PKD1: variants seen among roughly 807,000 people sequenced by gnomAD.
PKD1 encodes the protein polycystin 1, transient receptor potential channel interacting, also known as polycystin-1.
Under a neutral mutation model 361.7 loss-of-function variants are expected in PKD1, and 81 were observed. The observed-to-expected ratio is 0.22, with a 90% CI of 0.19 to 0.27. The LOEUF is 0.27. PKD1 is among the 10% of genes least tolerant of loss of function. The pLI is 1.00. For missense variants in PKD1, 6,399 were observed against 6,118.3 expected (o/e 1.05, Z -1.53); for synonymous variants, 3,615 against 2,818.3 (o/e 1.28, Z -8.95).
chr16:2,094,602 C>CCAGTGTGGCCAG, intron 34 of PKD1: 1 of 313,476 alleles, frequency 3.2e-6, no homozygotes, highest in Non-Finnish European at 6.1e-6. Context: ...GCCAGTGTGT[C>CCAGTGTGGCCAG]TGTCCCATGC....
rs776388356 is a variant in PKD1, at chr16:2,106,168, A to T, written c.7626T>A (p.Gly2542=). The part of the protein sequence containing the change: ...LSSYGAVLPP[G]FRPHFEVGLA... ...GGCCCACCTCGAAGTGTGGCCTGAA[A>T]CCCGGGGGCAGCACGGCTCCGTAGC... The change falls in exon 19 of 46, where the codon GGT becomes GGA. Residue 2542 remains glycine (G), a synonymous_variant. Coordinates refer to ENST00000262304, the MANE Select transcript of PKD1 (RefSeq NM_001009944.3). This position sits in a 1 kb window ranked among gnomAD's most constrained non-coding sequence, Gnocchi z 6.5. 42 of 1,608,808 alleles carry T rather than the reference A, an allele frequency of 2.6e-5. No individual in the cohort carries two copies. Among genetic ancestry groups the T allele is most frequent in the Non-Finnish European group, 3.4e-5 (40 of 1,179,038 alleles).
Position 2,103,594 on chromosome 16 carries a change from G to A in PKD1, c.8463C>T (p.Asp2821=), listed in dbSNP as rs767838553. 18 of 1,610,248 alleles carry A rather than the reference G, an allele frequency of 1.1e-5. No individual in the cohort carries two copies. Among genetic ancestry groups the A allele is most frequent in the African/African-American group, 5.3e-5 (4 of 74,852 alleles). The change falls in exon 23 of 46, where the codon GAC becomes GAT. Residue 2821 remains aspartate (D), a synonymous_variant. Coordinates refer to ENST00000262304, the MANE Select transcript of PKD1 (RefSeq NM_001009944.3). ...AFSGALANLS[D]VVQLIFLVDS... is the part of the protein sequence containing the mutation. ...CCACCAGAAAGATGAGCTGCACCAC[G>A]TCACTGAGGTTGGCCAGGGCCCCGC...
In PKD1 at chr16:2,116,118, C is replaced by G. The variant is rs1362240960; in HGVS notation, c.1723G>C (p.Val575Leu). ...GLSAPHEPVE[V>L]MVFPGLRLSR... ...AGACGCAGGCCCGGGAATACCATGA[C>G]CTGGTGGGCAGGGGGCCGCCTCAGC... Residue 575 changes from valine to leucine, a missense_variant and splice_region_variant, in exon 9 of 46, where the codon GTC (valine) becomes CTC (leucine). Coordinates refer to ENST00000262304, the MANE Select transcript of PKD1 (RefSeq NM_001009944.3). The G allele has an allele frequency of 1.0e-5, 16 of 1,560,044 alleles. No homozygotes were observed. The highest frequency in any genetic ancestry group is 1.3e-5 in the Non-Finnish European group (15 of 1,149,824).
intron 30 of PKD1, 77 bp downstream of exon 30, chr16:2,099,567 G>GA (rs1405750770): frequency 4.2e-6 from 6 of 1,425,704 alleles, no homozygotes; most frequent in African/African-American, 2.8e-5. Context: ...TGCAGCACTG[G>GA]AAAGTGGCGG....
At chr16:2,133,607 G>C (rs2092914972) in intron 1 of PKD1, among the ~76,000 whole-genome samples, 1 of 152,018 alleles carries the variant, frequency 6.6e-6, no homozygotes, top group Non-Finnish European at 1.5e-5. Flanking sequence ...AGGGTGGCCT[G>C]GGGGGCCAGC....
rs1596560540 is a variant in PKD1 at position 2,111,096 on chromosome 16, CA to C, written c.4070del (p.Leu1357ArgfsTer9). The C allele has an allele frequency of 6.2e-7, 1 of 1,610,740 alleles. No individual in the cohort carries two copies. Among genetic ancestry groups the C allele is most frequent in the African/African-American group, 1.3e-5 (1 of 74,988 alleles). On this transcript the variant is annotated frameshift_variant, in exon 15 of 46. Coordinates refer to ENST00000262304, the MANE Select transcript of PKD1 (RefSeq NM_001009944.3). LOFTEE classifies it high-confidence loss of function. The stretch of plus-strand genomic sequence containing the variant: ...TCACGCGGCTGGACAGCACCAGCGC[CA>C]GGGGGAACGTGCCGCTCCGCGTGAA... Reference protein sequence around the residue: ...HNFTRSGTFPLALVLSSRVNR... With the variant: ...HNFTRSGTFPXALVLSSRVNR...
intron 30 of PKD1, chr16:2,098,994 C>G (rs554374191): frequency 6.0e-6 from 1 of 166,194 alleles, no homozygotes; most frequent in African/African-American, 2.5e-5. Flanking sequence ...CCATGCCCAG[C>G]TAAGTTTTTG....
Position 2,097,761 on chromosome 16 carries a change from A to C in PKD1, c.10187T>G (p.Met3396Arg). The change falls in exon 32 of 46, where the codon ATG (methionine) becomes AGG (arginine). Residue 3396 changes from methionine to arginine, a missense_variant. Transcript: ENST00000262304. ...LHAEQAFVGQ[M>R]KSDLFLDDSK... ...ATCATCCAGAAACAAGTCACTCTTC[A>C]TCTGTCCAACAAAGGCCTGCTGAGA... 1 of 1,611,378 alleles carries C rather than the reference A, an allele frequency of 6.2e-7. No individual in the cohort carries two copies. The highest frequency in any genetic ancestry group is 8.5e-7 in the Non-Finnish European group (1 of 1,179,860).
At chr16:2,125,718 G>A (rs142074665) in intron 1 of PKD1, among the ~76,000 whole-genome samples, 6,720 of 151,894 alleles carry the variant, frequency 0.044, 543 homozygotes, top group African/African-American at 0.15. Flanking sequence ...ACCTGCCGCT[G>A]GGGTCGGGGC....
intron 1 of PKD1, among the ~76,000 whole-genome samples, chr16:2,132,237 C>T (rs528310670): frequency 1.3e-4 from 19 of 142,982 alleles, no homozygotes; most frequent in East Asian, 6.3e-4. Flanking sequence ...GCAACAAGAG[C>T]GAAACTCCGT....
rs201771763 is a variant in PKD1 at position 2,090,747 on chromosome 16, G to A, written c.12065C>T (p.Ala4022Val). The A allele has an allele frequency of 2.4e-5, 38 of 1,612,662 alleles. 1 individual carries two copies. The highest frequency in any genetic ancestry group is 1.4e-4 in the South Asian group (13 of 91,092). ...WSVFGKTLCR[A>V]LPELLGVTLG... ...GGTGACCCCCAGGAGCTCTGGCAGA[G>A]CTCGGCATAATGTCTTGCCAAAGAC... Residue 4022 changes from alanine (A) to valine (V), a missense_variant, in exon 44 of 46, where the codon GCT becomes GTT. Physicochemically the swap from Ala to Val is moderately conservative, Grantham distance 64 (BLOSUM62 0). Transcript: ENST00000262304.
intron 7 of PKD1, 56 bp from the exon 8 acceptor site, chr16:2,116,700 A>C (rs2092643049): frequency 8.1e-7 from 1 of 1,227,494 alleles, no homozygotes; most frequent in Admixed American, 2.0e-5. Flanking sequence ...CACCAGGACG[A>C]ACAGACTGGG....
chr16:2,101,487 T>C (rs2092095155), intron 26 of PKD1, among the ~76,000 whole-genome samples: 1 of 152,022 alleles, frequency 6.6e-6, no homozygotes, highest in Non-Finnish European at 1.5e-5. Context: ...TGTGGTGGTG[T>C]GCACCTGTAC....
rs184394342 is a variant in PKD1 at position 2,107,969 on chromosome 16, G to C, written c.6979C>G (p.Arg2327Gly). Residue 2327 changes from arginine to glycine, a missense_variant, in exon 16 of 46, where the codon CGG becomes GGG. By Grantham distance (125) the Arg-to-Gly change is moderately radical. Transcript: ENST00000262304. The stretch of plus-strand genomic sequence containing the variant: ...TCCACGCCAGCCGCCAGCCGCTCCC[G>C]TGGAATGGTGACCGTGCTGCTCCCG... ...PRGSSTVTIP[R>G]ERLAAGVEYT... The C allele has an allele frequency of 1.3e-6, 2 of 1,548,336 alleles. No individual in the cohort carries two copies. Among genetic ancestry groups the C allele is most frequent in the Admixed American group, 2.0e-5 (1 of 51,068 alleles).
intron 1 of PKD1, among the ~76,000 whole-genome samples, chr16:2,128,652 G>T (rs977129656): frequency 2.0e-5 from 3 of 152,222 alleles, no homozygotes; most frequent in African/African-American, 7.2e-5. Context: ...AGAACACAGA[G>T]GGCTCAGCGC....
intron 16 of PKD1, 170 bp from the exon 17 acceptor site, chr16:2,107,118 T>TG (rs995546168): frequency 5.7e-6 from 4 of 699,120 alleles, no homozygotes; most frequent in Middle Eastern, 3.7e-4. Flanking sequence ...CCTTCCAACT[T>TG]GGACGGCGGA....
chr16:2,090,159 C>A lies in PKD1; in HGVS notation c.12480G>T (p.Pro4160=), dbSNP rs374017772. ...RHKVRFEGME[P]LPSRSSRGSK... is the part of the protein sequence containing the mutation. ...AGCCCCTGGAGGAGCGAGAGGGCAG[C>A]GGCTCCATCCCTTCAAAGCGGACTT... The change falls in exon 46 of 46, where the codon CCG becomes CCT. Residue 4160 remains proline, a synonymous_variant. Coordinates refer to ENST00000262304, the MANE Select transcript of PKD1 (RefSeq NM_001009944.3). 4.4e-6 allele frequency: 7 copies of A among 1,595,632 alleles called. No individual in the cohort carries two copies. Among genetic ancestry groups the A allele is most frequent in the African/African-American group, 1.3e-5 (1 of 74,602 alleles).
At chr16:2,112,499 G>T in intron 13 of PKD1, 26 bp from the exon 14 acceptor site, 3 of 1,581,460 alleles carry the variant, frequency 1.9e-6, no homozygotes, top group Non-Finnish European at 2.6e-6. Context: ...GACGCAGTGA[G>T]TGAACCGGGA....
Position 2,115,401 on chromosome 16 carries a change from C to T in PKD1, c.2074G>A (p.Ala692Thr), listed in dbSNP as rs543497539. 153 of 1,565,302 alleles carry T rather than the reference C, an allele frequency of 9.8e-5. No individual in the cohort carries two copies. Among genetic ancestry groups the T allele is most frequent in the African/African-American group, 1.4e-4 (10 of 73,920 alleles). ...LWREFLFSVP[A>T]GPPAQYSVTL... ...ACCGAGTACTGCGCGGGGGGCCCCGCGGGAACGGAGAAGAGGAACTCTCTC... is the reference window on the plus strand; with the variant it reads ...ACCGAGTACTGCGCGGGGGGCCCCGTGGGAACGGAGAAGAGGAACTCTCTC... The change falls in exon 10 of 46, where the codon GCG (alanine) becomes ACG (threonine). Residue 692 changes from alanine (A) to threonine (T), a missense_variant. By Grantham distance (58) the Ala-to-Thr change is moderately conservative. Coordinates refer to ENST00000262304, the MANE Select transcript of PKD1 (RefSeq NM_001009944.3).
Sources: gnomAD v4.1 joint callset for allele counts (sites outside exome capture counted in the v4.1 genomes callset) on GRCh38, gnomAD v4.1.1 for gene constraint, Gnocchi (gnomAD v3.1) non-coding constraint, MANE v1.5 for transcripts, NCBI Gene and HGNC (gene_info 2026-07-23, HGNC 2026-07-21) for gene names.